Variants in CDK19 observed in about 807,000 individuals in gnomAD.
CDK19 encodes cyclin dependent kinase 19, also known as cyclin-dependent kinase 19.
A neutral mutation model predicts 68.3 loss-of-function variants in CDK19; 20 were observed. The observed-to-expected ratio is 0.29, with a 90% confidence interval of 0.21 to 0.43. The LOEUF (loss-of-function observed/expected upper bound fraction) is 0.43. Ranked by LOEUF, CDK19 falls within the 20% of genes least tolerant of loss-of-function variation. The pLI, the probability that CDK19 is intolerant of heterozygous loss-of-function variation, is 1.00. For synonymous variants in CDK19, 221 were observed against 222.8 expected (o/e 0.99, Z 0.07); for missense variants, 339 against 623.5 (o/e 0.54, Z 4.86).
chr6:110,792,367 A>G (rs566618837), intron 1 of CDK19, among the ~76,000 whole-genome samples: 2 of 151,976 alleles, frequency 1.3e-5, no homozygotes, highest in African/African-American at 2.4e-5. Context: ...CCCATCATCA[A>G]ACCAATTTTT....
At chr6:110,619,002 G>A (rs113299111) in intron 12 of CDK19, among the ~76,000 whole-genome samples, 8 of 152,156 alleles carry the variant, frequency 5.3e-5, no homozygotes, top group East Asian at 3.9e-4. Flanking sequence ...ATTTTTCAGC[G>A]AACTTTCAGA....
chr6:110,776,136 C>A (rs573369539), intron 1 of CDK19, among the ~76,000 whole-genome samples: 104 of 152,224 alleles, frequency 6.8e-4, no homozygotes, highest in Non-Finnish European at 1.4e-3. Flanking sequence ...TAACTAAGAA[C>A]CAGAGAAAAT....
chr6:110,796,701 A>G (rs549269245), intron 1 of CDK19, among the ~76,000 whole-genome samples: 1 of 152,026 alleles, frequency 6.6e-6, no homozygotes, highest in Non-Finnish European at 1.5e-5. Flanking sequence ...TCTTTGCCTC[A>G]GCTGTGAGAA....
Position 110,632,178 on chromosome 6 carries a change from A to T in CDK19, c.515-17T>A, listed in dbSNP as rs972070742. ...CCATGTCAGCTAAAAAAATAAAATAAATTAACATAAAATTCAGTTTGATTG... is the reference window on the plus strand; with the variant it reads ...CCATGTCAGCTAAAAAAATAAAATATATTAACATAAAATTCAGTTTGATTG... On this transcript the variant is annotated splice_polypyrimidine_tract_variant and intron_variant, in intron 5 of 12. Transcript: ENST00000368911. 1.9e-6 allele frequency: 3 copies of T among 1,569,502 alleles called. No homozygotes were observed. The highest frequency in any genetic ancestry group is 3.9e-5 in the Admixed American group (2 of 51,348).
intron 2 of CDK19, among the ~76,000 whole-genome samples, chr6:110,693,267 T>A (rs1363542124): frequency 6.6e-6 from 1 of 152,136 alleles, no homozygotes; most frequent in Non-Finnish European, 1.5e-5. Flanking sequence ...GTTCCAAAAG[T>A]GTGAGAGAGG....
At chr6:110,636,654 A>G (rs1382220180) in intron 5 of CDK19, among the ~76,000 whole-genome samples, 1 of 152,224 alleles carries the variant, frequency 6.6e-6, no homozygotes, top group Non-Finnish European at 1.5e-5. Flanking sequence ...ATGGAATTAG[A>G]GGCCAGGTTA....
chr6:110,790,290 C>T (rs1781500371), intron 1 of CDK19, among the ~76,000 whole-genome samples: 3 of 152,134 alleles, frequency 2.0e-5, no homozygotes, highest in African/African-American at 7.2e-5. Context: ...AATCCCAGCA[C>T]TTTGGGAGGC....
At position 110,611,002 on chromosome 6, in the gene CDK19, AGAG is replaced by A. The variant is rs1777996447; in HGVS notation, c.*3530_*3532del. Reference sequence around the variant, plus strand: ...AGTCCATTATGTTCGTAAGAGCAAAAGAGTAGTGCAGAAGGCCAAAATTCTAAG... The same window carrying A: ...AGTCCATTATGTTCGTAAGAGCAAAATAGTGCAGAAGGCCAAAATTCTAAG... On this transcript the variant is annotated 3_prime_UTR_variant, in exon 13 of 13. Transcript: ENST00000368911. 1 of 152,308 alleles carries A rather than the reference AGAG, an allele frequency of 6.6e-6. No homozygotes were observed. Among genetic ancestry groups the A allele is most frequent in the African/African-American group, 2.4e-5 (1 of 41,562 alleles). The allele number at this position is 152,308 out of a possible 1,614,324, so 9.4% of individuals were successfully genotyped here.
intron 2 of CDK19, among the ~76,000 whole-genome samples, chr6:110,732,794 G>A (rs370872859): frequency 6.6e-6 from 1 of 152,114 alleles, no homozygotes; most frequent in African/African-American, 2.4e-5. Context: ...TCCAGGAAGG[G>A]TGGCTCACAC....
intron 2 of CDK19, among the ~76,000 whole-genome samples, chr6:110,711,309 T>G (rs556861507): frequency 2.5e-4 from 38 of 152,334 alleles, no homozygotes; most frequent in East Asian, 1.9e-3. Context: ...TAATTATACC[T>G]TCAACATTTA....
chr6:110,736,007 A>T (rs1777225445), intron 2 of CDK19, among the ~76,000 whole-genome samples: 1 of 152,220 alleles, frequency 6.6e-6, no homozygotes, highest in Non-Finnish European at 1.5e-5. Context: ...CAGCAGTGCC[A>T]GCCTTACTAG....
At chr6:110,635,043 G>C (rs142448176) in intron 5 of CDK19, among the ~76,000 whole-genome samples, 1 of 152,174 alleles carries the variant, frequency 6.6e-6, no homozygotes. Flanking sequence ...AAAGATTACT[G>C]TAACAGTTGA....
At chr6:110,687,721 A>G (rs1251658261) in intron 2 of CDK19, among the ~76,000 whole-genome samples, 1 of 152,252 alleles carries the variant, frequency 6.6e-6, no homozygotes, top group Non-Finnish European at 1.5e-5. Context: ...TTAATTTTTT[A>G]AAAGAGCTAT....
chr6:110,676,080 A>G (rs1481245684), intron 2 of CDK19, among the ~76,000 whole-genome samples: 1 of 152,218 alleles, frequency 6.6e-6, no homozygotes, highest in African/African-American at 2.4e-5. Context: ...GATTCCTTCA[A>G]GGAGGTCAAG....
intron 2 of CDK19, among the ~76,000 whole-genome samples, chr6:110,719,300 C>A (rs1435283244): frequency 6.6e-6 from 1 of 152,110 alleles, no homozygotes; most frequent in African/African-American, 2.4e-5. Context: ...GCCTGGGCAA[C>A]ACAGTAAACC....
intron 1 of CDK19, among the ~76,000 whole-genome samples, chr6:110,804,063 A>C (rs527640913): frequency 1.3e-5 from 2 of 152,160 alleles, no homozygotes; most frequent in Non-Finnish European, 2.9e-5. Flanking sequence ...CCATGGACTT[A>C]CCTTTCTGTC....
rs1412348492 is a variant in CDK19, at chr6:110,611,532, T to C, written c.*3003A>G. 1 of 152,296 alleles carries C rather than the reference T, an allele frequency of 6.6e-6. No homozygotes were observed. Among genetic ancestry groups the C allele is most frequent in the Non-Finnish European group, 1.5e-5 (1 of 68,152 alleles). 9.4% of individuals were successfully genotyped at this position (152,296 alleles called of 1,614,324 possible). A position where few individuals can be genotyped will look rare whatever the true frequency, so the allele number is the denominator to read the frequency against. On this transcript the variant is annotated 3_prime_UTR_variant, in exon 13 of 13. Transcript: ENST00000368911. ...TGGGTGCGGTGGCTCACACCTATAATCCCAGCACTTCGGGAGGCCGAGACA... is the reference window on the plus strand; with the variant it reads ...TGGGTGCGGTGGCTCACACCTATAACCCCAGCACTTCGGGAGGCCGAGACA...
At chr6:110,674,379 A>G (rs1423739083) in intron 2 of CDK19, among the ~76,000 whole-genome samples, 1 of 152,232 alleles carries the variant, frequency 6.6e-6, no homozygotes, top group Non-Finnish European at 1.5e-5. Context: ...ATCAAAAGCT[A>G]GAATGATTGA....
chr6:110,744,500 C>G (rs958784160), intron 2 of CDK19, among the ~76,000 whole-genome samples: 1 of 152,032 alleles, frequency 6.6e-6, no homozygotes, highest in Non-Finnish European at 1.5e-5. Context: ...CCACTGCACT[C>G]CAGCCTGGGT....
Sources: allele counts gnomAD v4.1 joint callset (sites outside exome capture counted in the v4.1 genomes callset), GRCh38; gene constraint gnomAD v4.1.1; transcripts MANE v1.5; gene names NCBI Gene and HGNC (gene_info 2026-07-23, HGNC 2026-07-21).